Variants in GLIS3 observed in about 807,000 individuals in gnomAD.
The protein encoded by GLIS3 is GLIS family zinc finger 3.
In GLIS3, 53 loss-of-function variants were observed where a neutral mutation model predicts 78.6. The observed-to-expected ratio is 0.67, with a 90% confidence interval of 0.54 to 0.85. The LOEUF (loss-of-function observed/expected upper bound fraction) is 0.85. Among genes scored for constraint, GLIS3 ranks in the 40% least tolerant of loss-of-function variants. The pLI, the probability that GLIS3 is intolerant of heterozygous loss-of-function variation, is 0.00. For missense variants in GLIS3, 1,703 were observed against 1,231.1 expected (o/e 1.38, Z -5.74); for synonymous variants, 684 against 509.9 (o/e 1.34, Z -4.60).
At chr9:4,198,958 A>G (rs180971293) in intron 2 of GLIS3, among the ~76,000 whole-genome samples, 1 of 152,352 alleles carries the variant, frequency 6.6e-6, no homozygotes, top group Admixed American at 6.5e-5. Context: ...ATATCCCACC[A>G]AACTAAGCTT....
rs374408413 is a variant in GLIS3, at chr9:4,244,653, C to A, written c.388+41385G>T. ...GCAATGGTGCAATCTTGGCTCACTG[C>A]AACCTCTACCTCCTGGGTTCAAGTG... On this transcript the variant is annotated intron_variant, in intron 2 of 10. Coordinates refer to ENST00000381971, the MANE Select transcript of GLIS3 (RefSeq NM_001042413.2). 1.6e-3 allele frequency among the ~76,000 whole-genome samples: 236 copies of A among 152,232 alleles called. 6 individuals carry two copies. The South Asian group carries it at 0.047, about 30-fold the overall frequency.
chr9:4,327,457 G>A (rs1285439624), intron 2 of GLIS3, among the ~76,000 whole-genome samples: 1 of 152,104 alleles, frequency 6.6e-6, no homozygotes, highest in African/African-American at 2.4e-5. Context: ...GGTGAAGGAG[G>A]GTGGAGGGTG....
At chr9:4,356,964 G>A in the GLIS3 span, among the ~76,000 whole-genome samples, 8 of 152,162 alleles carry the variant, frequency 5.3e-5, 1 homozygote, top group Non-Finnish European at 1.2e-4. Context: ...GGAATATATT[G>A]ACTGGTACGA....
At chr9:4,441,751 T>A in the GLIS3 span, among the ~76,000 whole-genome samples, 1 of 152,108 alleles carries the variant, frequency 6.6e-6, no homozygotes, top group African/African-American at 2.4e-5. Flanking sequence ...GGATTGCAGG[T>A]GCTCACCATC....
chr9:4,086,698 G>T (rs1829050572), intron 4 of GLIS3, among the ~76,000 whole-genome samples: 1 of 152,198 alleles, frequency 6.6e-6, no homozygotes, highest in Non-Finnish European at 1.5e-5. Flanking sequence ...TGTACCACTT[G>T]TCAAAACAGT....
At chr9:4,227,587 G>A (rs900413287) in intron 2 of GLIS3, among the ~76,000 whole-genome samples, 1 of 152,108 alleles carries the variant, frequency 6.6e-6, no homozygotes, top group East Asian at 1.9e-4. Flanking sequence ...TTGAATCCTG[G>A]AAAAGCCAGT....
At chr9:3,990,521 T>C (rs2129757683) in intron 4 of GLIS3, among the ~76,000 whole-genome samples, 1 of 152,322 alleles carries the variant, frequency 6.6e-6, no homozygotes, top group Admixed American at 6.5e-5. Context: ...CAATTTAATC[T>C]GTGGCATGCG....
At chr9:4,455,891 T>C in the GLIS3 span, among the ~76,000 whole-genome samples, 1 of 152,122 alleles carries the variant, frequency 6.6e-6, no homozygotes, top group Non-Finnish European at 1.5e-5. Context: ...GGCATGTGAA[T>C]TGCTTGAAAT....
At chr9:4,021,091 A>G (rs1822848131) in intron 4 of GLIS3, among the ~76,000 whole-genome samples, 1 of 152,218 alleles carries the variant, frequency 6.6e-6, no homozygotes. Context: ...AGTCTCTGAA[A>G]CTGTCACCTC....
chr9:4,319,412 CATT>C (rs1817487984), intron 2 of GLIS3, among the ~76,000 whole-genome samples: 1 of 152,126 alleles, frequency 6.6e-6, no homozygotes, highest in Non-Finnish European at 1.5e-5. Context: ...CATGGAAGCT[CATT>C]ATTCTATTCT....
chr9:4,419,561 G>A, the GLIS3 span, among the ~76,000 whole-genome samples: 56 of 152,158 alleles, frequency 3.7e-4, no homozygotes, highest in African/African-American at 1.2e-3. Context: ...AGGCCGAGGC[G>A]GGTGGATCAC....
At chr9:3,896,905 A>C (rs1178353382) in intron 7 of GLIS3, among the ~76,000 whole-genome samples, 1 of 152,170 alleles carries the variant, frequency 6.6e-6, no homozygotes, top group Non-Finnish European at 1.5e-5. Context: ...TCCAGAGCTC[A>C]AAATCTTTTT....
At chr9:4,139,302 C>G (rs1285909383) in intron 2 of GLIS3, among the ~76,000 whole-genome samples, 4 of 152,232 alleles carry the variant, frequency 2.6e-5, no homozygotes, top group South Asian at 4.1e-4. Flanking sequence ...ATCCCCCAGA[C>G]AGCAAGTGCT....
chr9:3,987,761 CAAAAAAAA>C lies in GLIS3; in HGVS notation c.1711-50580_1711-50573del, dbSNP rs60986898. On this transcript the variant is annotated intron_variant, in intron 4 of 10. Coordinates refer to ENST00000381971, the MANE Select transcript of GLIS3 (RefSeq NM_001042413.2). ...ATGGCTGAAAACTCCCTGGATTTGG[CAAAAAAAA>C]AAAAAAAAAAAAAAAAAAACAAAAC... is the stretch of plus-strand genomic sequence containing the variant. 4.8e-4 allele frequency among the ~76,000 whole-genome samples: 5 copies of C among 10,462 alleles called. No homozygotes were observed. The South Asian group carries it at 0.016, about 34-fold the overall frequency. 6.9% of individuals were successfully genotyped at this position (10,462 alleles called of 152,430 possible).
At chr9:3,967,125 G>C (rs937715777) in intron 4 of GLIS3, among the ~76,000 whole-genome samples, 5 of 149,564 alleles carry the variant, frequency 3.3e-5, no homozygotes, top group African/African-American at 9.9e-5. Flanking sequence ...AGTCCAGTAA[G>C]GATCTCTATC....
intron 4 of GLIS3, among the ~76,000 whole-genome samples, chr9:4,306,667 G>T (rs1421323217): frequency 6.6e-6 from 1 of 152,212 alleles, no homozygotes; most frequent in Admixed American, 6.5e-5. Context: ...AGGAATCATA[G>T]AGAAATGTCT....
chr9:3,911,112 C>CCTTCCTTCCTTTCCTTT (rs1034444126), intron 6 of GLIS3, among the ~76,000 whole-genome samples: 2 of 152,060 alleles, frequency 1.3e-5, no homozygotes, highest in African/African-American at 4.8e-5. Context: ...TTCCTTCCTT[C>CCTTCCTTCCTTTCCTTT]CTTCCTTCCT....
Position 4,118,303 on chromosome 9 carries a change from T to C in GLIS3, c.1175A>G (p.His392Arg). The C allele has an allele frequency of 6.3e-7, 1 of 1,578,620 alleles. No individual in the cohort carries two copies. The highest frequency in any genetic ancestry group is 8.6e-7 in the Non-Finnish European group (1 of 1,164,318). The change falls in exon 4 of 11, where the codon CAC becomes CGC. Residue 392 changes from histidine to arginine, a missense_variant. His to Arg is a conservative substitution (Grantham distance 29). Coordinates refer to ENST00000381971, the MANE Select transcript of GLIS3 (RefSeq NM_001042413.2). The surrounding 1 kb of genome is among the most constrained non-coding windows in gnomAD (Gnocchi z 4.7). ...GTGCTCCAGCTGTTGCATGCGCTCG[T>C]GCTCCAGGGCCCCGTCCTCGCCGTA... The part of the protein sequence containing the change: ...PAYGEDGALE[H>R]ERMQQLEHGG...
intron 2 of GLIS3, among the ~76,000 whole-genome samples, chr9:4,311,784 C>CT (rs1248712111): frequency 7.2e-5 from 11 of 152,216 alleles, no homozygotes; most frequent in African/African-American, 2.7e-4. Context: ...CAGTGGTCGT[C>CT]TGACAGGAGC....
Sources: allele counts gnomAD v4.1 joint callset (sites outside exome capture counted in the v4.1 genomes callset), GRCh38; gene constraint gnomAD v4.1.1; non-coding constraint Gnocchi (gnomAD v3.1); transcripts MANE v1.5; gene names NCBI Gene and HGNC (gene_info 2026-07-23, HGNC 2026-07-21).